Variants in CNTN5 observed in about 807,000 individuals in gnomAD.
CNTN5 encodes contactin 5.
A neutral mutation model predicts 129.1 loss-of-function variants in CNTN5; 77 were observed. The ratio of observed to expected loss-of-function variants is 0.60; its 90% CI spans 0.50 to 0.72. The LOEUF is 0.72. Ranked by LOEUF, CNTN5 falls within the 30% of genes least tolerant of loss-of-function variation. The pLI is 0.00. For missense variants in CNTN5, 1,478 were observed against 1,328.8 expected (o/e 1.11, Z -1.75); for synonymous variants, 509 against 465.6 (o/e 1.09, Z -1.20).
chr11:100,114,579 G>A (rs751980176), intron 13 of CNTN5, among the ~76,000 whole-genome samples: 12 of 152,046 alleles, frequency 7.9e-5, no homozygotes, highest in Non-Finnish European at 1.3e-4. Context: ...AAAATGCTTA[G>A]TGTAGTGTGT....
chr11:100,027,214 A>T (rs77625037), intron 9 of CNTN5, among the ~76,000 whole-genome samples: 5,369 of 152,194 alleles, frequency 0.035, 158 homozygotes, highest in Non-Finnish European at 0.054. Flanking sequence ...TTCTTTGCAT[A>T]CCTGAAAATT....
chr11:99,791,190 T>TG (rs1945729320), intron 3 of CNTN5, among the ~76,000 whole-genome samples: 1 of 152,094 alleles, frequency 6.6e-6, no homozygotes, highest in Non-Finnish European at 1.5e-5. Flanking sequence ...CAATTGATTT[T>TG]GGGGGTCTTA....
chr11:99,205,406 C>G (rs955310336), intron 1 of CNTN5, among the ~76,000 whole-genome samples: 1 of 152,094 alleles, frequency 6.6e-6, no homozygotes, highest in Non-Finnish European at 1.5e-5. Flanking sequence ...ACCGAGACTT[C>G]CCTTAGCTCC....
chr11:100,223,572 T>C (rs1328377418), intron 15 of CNTN5, among the ~76,000 whole-genome samples: 1 of 152,168 alleles, frequency 6.6e-6, no homozygotes, highest in African/African-American at 2.4e-5. Flanking sequence ...ATCAGGATAC[T>C]GACTACTAAG....
chr11:99,622,342 T>G (rs1398165), intron 3 of CNTN5, among the ~76,000 whole-genome samples: 31,220 of 152,084 alleles, frequency 0.21, 3,677 homozygotes, highest in East Asian at 0.39. Flanking sequence ...CCCTATAGTA[T>G]GACTAAAGAG....
At chr11:99,870,787 A>G (rs565905682) in intron 6 of CNTN5, among the ~76,000 whole-genome samples, 18 of 145,386 alleles carry the variant, frequency 1.2e-4, no homozygotes, top group African/African-American at 4.3e-4. Flanking sequence ...TGAAAACAGA[A>G]GTGAGTTATA....
intron 1 of CNTN5, among the ~76,000 whole-genome samples, chr11:99,119,433 C>A (rs1858198806): frequency 6.6e-6 from 1 of 152,090 alleles, no homozygotes; most frequent in South Asian, 2.1e-4. Context: ...GGATAATGGC[C>A]TCCAGCTCCA....
chr11:99,253,723 T>C (rs1215417820), intron 1 of CNTN5, among the ~76,000 whole-genome samples: 1 of 151,740 alleles, frequency 6.6e-6, no homozygotes, highest in African/African-American at 2.4e-5. Flanking sequence ...TTATTATACA[T>C]ATAATGGGTA....
chr11:100,261,648 T>C (rs976251048), intron 17 of CNTN5, among the ~76,000 whole-genome samples: 2 of 152,012 alleles, frequency 1.3e-5, no homozygotes, highest in Non-Finnish European at 2.9e-5. Flanking sequence ...ACACCACACA[T>C]GTAAAACCAT....
intron 13 of CNTN5, among the ~76,000 whole-genome samples, chr11:100,147,134 T>C (rs1482289612): frequency 2.0e-5 from 3 of 152,142 alleles, no homozygotes; most frequent in African/African-American, 7.2e-5. Context: ...GGTTTCATCT[T>C]TCTGTTACCT....
intron 1 of CNTN5, among the ~76,000 whole-genome samples, chr11:99,249,766 T>A (rs1352041313): frequency 6.6e-6 from 1 of 151,972 alleles, no homozygotes; most frequent in Non-Finnish European, 1.5e-5. Flanking sequence ...AGTCTTCTAG[T>A]ATAGTGAACT....
At chr11:99,116,286 C>T (rs1858042599) in intron 1 of CNTN5, among the ~76,000 whole-genome samples, 3 of 151,948 alleles carry the variant, frequency 2.0e-5, no homozygotes, top group African/African-American at 7.3e-5. Context: ...ATATCGATTT[C>T]CCCCAAAATT....
chr11:99,441,233 G>T (rs1943816748), intron 2 of CNTN5, among the ~76,000 whole-genome samples: 1 of 152,068 alleles, frequency 6.6e-6, no homozygotes, highest in Non-Finnish European at 1.5e-5. Flanking sequence ...AAAATATTGA[G>T]AATAATTTCT....
At chr11:99,127,519 G>C (rs1281153033) in intron 1 of CNTN5, among the ~76,000 whole-genome samples, 1 of 151,988 alleles carries the variant, frequency 6.6e-6, no homozygotes, top group Non-Finnish European at 1.5e-5. Flanking sequence ...CTGCCACTAG[G>C]GTCAGTGCTA....
intron 1 of CNTN5, among the ~76,000 whole-genome samples, chr11:99,132,971 A>G (rs1859022715): frequency 6.6e-6 from 1 of 152,170 alleles, no homozygotes; most frequent in Non-Finnish European, 1.5e-5. Context: ...AAAAAGAACA[A>G]AGCTGGAGGC....
At chr11:100,103,060 T>C (rs1013294853) in intron 13 of CNTN5, among the ~76,000 whole-genome samples, 3 of 152,196 alleles carry the variant, frequency 2.0e-5, no homozygotes, top group Admixed American at 2.0e-4. Flanking sequence ...TAACTTCTGA[T>C]TAAATGAATT....
intron 10 of CNTN5, among the ~76,000 whole-genome samples, chr11:100,068,016 C>T (rs2137846898): frequency 6.6e-6 from 1 of 152,050 alleles, no homozygotes; most frequent in African/African-American, 2.4e-5. Context: ...TTTAACTGTT[C>T]TTTCTTTCCT....
intron 23 of CNTN5, among the ~76,000 whole-genome samples, chr11:100,345,407 CT>C (rs1283330680): frequency 1.3e-5 from 2 of 152,280 alleles, no homozygotes; most frequent in South Asian, 2.1e-4. Flanking sequence ...GGCCCCACCT[CT>C]TAATACTATC....
At chr11:99,190,815 A>T (rs1448427131) in intron 1 of CNTN5, among the ~76,000 whole-genome samples, 2 of 151,330 alleles carry the variant, frequency 1.3e-5, no homozygotes, top group African/African-American at 4.8e-5. Context: ...TCTATATATT[A>T]TATCATGTAA....
Sources: gnomAD v4.1 joint callset for allele counts (sites outside exome capture counted in the v4.1 genomes callset) on GRCh38, gnomAD v4.1.1 for gene constraint, MANE v1.5 for transcripts, NCBI Gene and HGNC (gene_info 2026-07-23, HGNC 2026-07-21) for gene names.